The following PIK3C2G variants were observed in gnomAD, a reference collection of about 807,000 sequenced individuals.
PIK3C2G encodes the protein phosphatidylinositol 3-kinase C2 domain-containing subunit gamma.
Under a neutral mutation model 181.1 loss-of-function variants are expected in PIK3C2G, and 168 were observed. The ratio of observed to expected loss-of-function variants is 0.93; its 90% CI spans 0.82 to 1.05. PIK3C2G has a LOEUF of 1.05. Ranked by LOEUF, PIK3C2G falls within the 50% of genes least tolerant of loss-of-function variation. The probability of loss-of-function intolerance (pLI) is 0.00; values close to 1 mark genes in which losing one functional copy is unlikely to be tolerated. For missense variants in PIK3C2G, 1,869 were observed against 1,732.8 expected, an observed-to-expected ratio of 1.08 and a Z score of -1.40; for synonymous variants, 573 against 592.2, an observed-to-expected ratio of 0.97 and a Z score of 0.47.
intron 15 of PIK3C2G, among the ~76,000 whole-genome samples, chr12:18,395,031 CTTTG>C (rs563554967): frequency 9.8e-5 from 11 of 112,590 alleles, no homozygotes; most frequent in African/African-American, 3.5e-4. Flanking sequence ...TTCTTTCTTT[CTTTG>C]TTTCTTTCAT....
intron 7 of PIK3C2G, among the ~76,000 whole-genome samples, chr12:18,324,218 CAA>C (rs890423728): frequency 7.4e-6 from 1 of 135,344 alleles, no homozygotes. Flanking sequence ...CACTCCGTCT[CAA>C]AAAAAAAAAA....
chr12:18,622,233 G>GTTAACTGCCATTC (rs1443715804), intron 31 of PIK3C2G, among the ~76,000 whole-genome samples: 1 of 151,716 alleles, frequency 6.6e-6, no homozygotes, highest in East Asian at 1.9e-4. Flanking sequence ...TCTAGCCTTT[G>GTTAACTGCCATTC]TTAACTGCCA....
At chr12:18,649,109 C>A (rs1338960566), downstream of PIK3C2G, among the ~76,000 whole-genome samples, 3 of 152,046 alleles carry the variant, frequency 2.0e-5, no homozygotes, top group Non-Finnish European at 4.4e-5. Flanking sequence ...TGTTCTTAGT[C>A]TATTACTCTC....
At chr12:18,653,693 G>T in the PIK3C2G span, among the ~76,000 whole-genome samples, 1 of 152,214 alleles carries the variant, frequency 6.6e-6, no homozygotes, top group South Asian at 2.1e-4. Flanking sequence ...CAACCACATG[G>T]TGTTAAGTAG....
chr12:18,427,714 C>A (rs1204930844), intron 18 of PIK3C2G, among the ~76,000 whole-genome samples: 6 of 151,638 alleles, frequency 4.0e-5, no homozygotes, highest in African/African-American at 1.5e-4. Flanking sequence ...TTCATGTAAA[C>A]ACAATTACGT....
rs17847804 is a variant in PIK3C2G, at chr12:18,503,281, G to T, written c.3017G>T (p.Gly1006Val). ...CTGTAATCTTTTTTTTCTCTACCAG[G>T]ATTGGTGCAGATGGTACCTGATGCT... is the stretch of plus-strand genomic sequence containing the variant. ...YRCLSTGKDQ[G>V]LVQMVPDAVT... Residue 1006 changes from glycine to valine, a missense_variant and splice_region_variant, in exon 23 of 33, where the codon GGA becomes GTA. By Grantham distance (109) the Gly-to-Val change is moderately radical. Coordinates refer to ENST00000538779, the MANE Select transcript of PIK3C2G (RefSeq NM_001288772.2). 2.1e-5 allele frequency: 34 copies of T among 1,594,290 alleles called. No individual in the cohort carries two copies. The East Asian group carries it at 7.7e-4, about 36-fold the overall frequency.
chr12:18,690,571 G>A, the PIK3C2G span, among the ~76,000 whole-genome samples: 17 of 152,114 alleles, frequency 1.1e-4, no homozygotes, highest in African/African-American at 4.1e-4. Context: ...GAGAAGACAA[G>A]TTACAAGTAA....
At chr12:18,687,069 C>T in the PIK3C2G span, among the ~76,000 whole-genome samples, 4 of 151,964 alleles carry the variant, frequency 2.6e-5, no homozygotes, top group South Asian at 4.1e-4. Flanking sequence ...TGGACACAGC[C>T]GTAGCAATGT....
chr12:18,662,936 A>G, the PIK3C2G span, among the ~76,000 whole-genome samples: 1 of 152,154 alleles, frequency 6.6e-6, no homozygotes, highest in Non-Finnish European at 1.5e-5. Context: ...ATGCAAAGAT[A>G]ACAATTAGGA....
chr12:18,421,525 T>C (rs1448628808), intron 17 of PIK3C2G, among the ~76,000 whole-genome samples: 2 of 151,976 alleles, frequency 1.3e-5, no homozygotes, highest in African/African-American at 4.8e-5. Context: ...GGAGTAATTT[T>C]AGAAAATAAT....
chr12:18,265,349 T>C (rs1306359886), intron 1 of PIK3C2G, among the ~76,000 whole-genome samples: 1 of 152,196 alleles, frequency 6.6e-6, no homozygotes, highest in Non-Finnish European at 1.5e-5. Flanking sequence ...TGTTTTTGTA[T>C]GATTTATTGA....
At chr12:18,719,606 C>G in the PIK3C2G span, 1 of 1,603,210 alleles carries the variant, frequency 6.2e-7, no homozygotes, top group Non-Finnish European at 8.5e-7. Flanking sequence ...GTAAAACCTT[C>G]TAATGACATT....
At chr12:18,717,726 T>C in the PIK3C2G span, among the ~76,000 whole-genome samples, 40 of 152,276 alleles carry the variant, frequency 2.6e-4, no homozygotes, top group African/African-American at 8.7e-4. Flanking sequence ...ATGAACATCT[T>C]GATTCCTCTC....
chr12:18,281,268 C>CAAAA (rs59791930), intron 1 of PIK3C2G, among the ~76,000 whole-genome samples: 2 of 73,732 alleles, frequency 2.7e-5, no homozygotes, highest in Non-Finnish European at 5.2e-5. Flanking sequence ...GCATAATAGG[C>CAAAA]AAAAAAAAAA....
chr12:18,457,563 G>A (rs961002511), intron 18 of PIK3C2G, among the ~76,000 whole-genome samples: 7 of 151,890 alleles, frequency 4.6e-5, no homozygotes, highest in Admixed American at 3.3e-4. Flanking sequence ...ATTTCCCTTG[G>A]GCTTTGTGTT....
At chr12:18,361,334 A>G (rs748413830) in intron 11 of PIK3C2G, among the ~76,000 whole-genome samples, 1 of 152,104 alleles carries the variant, frequency 6.6e-6, no homozygotes, top group Non-Finnish European at 1.5e-5. Flanking sequence ...GAGTATCTTT[A>G]TGATGGGTAT....
chr12:18,547,261 C>T (rs776432269), intron 26 of PIK3C2G, among the ~76,000 whole-genome samples: 1 of 151,894 alleles, frequency 6.6e-6, no homozygotes, highest in Non-Finnish European at 1.5e-5. Context: ...CTTTTTCTTT[C>T]ACCCTTCCAG....
chr12:18,306,152 T>A (rs1383435661), intron 5 of PIK3C2G, among the ~76,000 whole-genome samples: 1 of 152,006 alleles, frequency 6.6e-6, no homozygotes, highest in Non-Finnish European at 1.5e-5. Context: ...ATAACCATAT[T>A]TGAGTGAGGA....
intron 18 of PIK3C2G, among the ~76,000 whole-genome samples, chr12:18,462,533 C>T (rs1947974446): frequency 6.6e-6 from 1 of 152,008 alleles, no homozygotes; most frequent in Non-Finnish European, 1.5e-5. Flanking sequence ...TAGTTCAGGC[C>T]CTTTTTTGTA....
Sources: gnomAD v4.1 joint callset for allele counts (sites outside exome capture counted in the v4.1 genomes callset) on GRCh38, gnomAD v4.1.1 for gene constraint, MANE v1.5 for transcripts, NCBI Gene and HGNC (gene_info 2026-07-23, HGNC 2026-07-21) for gene names.